ATP2C2: variants seen among roughly 807,000 people sequenced by gnomAD.
ATP2C2 encodes calcium-transporting ATPase type 2C member 2.
In ATP2C2, 171 loss-of-function variants were observed where a neutral mutation model predicts 110.8. The observed-to-expected ratio is 1.54, with a 90% confidence interval of 1.36 to 1.75. The LOEUF (loss-of-function observed/expected upper bound fraction) is 1.75. Among genes scored for constraint, ATP2C2 ranks in the 40% most tolerant of loss-of-function variants. The probability of loss-of-function intolerance (pLI) is 0.00; values close to 1 mark genes in which losing one functional copy is unlikely to be tolerated. For synonymous variants in ATP2C2, 804 were observed against 508.4 expected (o/e 1.58, Z -7.82); for missense variants, 1,963 against 1,235.0 (o/e 1.59, Z -8.84).
Position 84,453,129 on chromosome 16 carries a change from C to T in ATP2C2, c.1832-9C>T, listed in dbSNP as rs1237048223. 11 of 1,602,554 alleles carry T rather than the reference C, an allele frequency of 6.9e-6. No individual in the cohort carries two copies. The highest frequency in any genetic ancestry group is 5.2e-5 in the Admixed American group (3 of 57,384). Reference sequence around the variant, plus strand: ...TCAGAGCAGGCCCTCAGAACAGGTTCTTCTGAAGGAAGAAACATCGGCCTG... The same window carrying T: ...TCAGAGCAGGCCCTCAGAACAGGTTTTTCTGAAGGAAGAAACATCGGCCTG... On this transcript the variant is annotated splice_polypyrimidine_tract_variant and intron_variant, in intron 18 of 26. Transcript: ENST00000262429.
intron 11 of ATP2C2, chr16:84,438,921 C>T (rs1002162819): frequency 3.1e-5 from 14 of 445,610 alleles, no homozygotes; most frequent in African/African-American, 2.2e-4. Flanking sequence ...GACTAATTCA[C>T]ATTAAGGTGT....
chr16:84,384,385 G>A (rs1904294561), intron 1 of ATP2C2, among the ~76,000 whole-genome samples: 1 of 152,128 alleles, frequency 6.6e-6, no homozygotes, highest in Admixed American at 6.5e-5. Context: ...TGTTTCCTCG[G>A]GATTTGGCTC....
intron 1 of ATP2C2, among the ~76,000 whole-genome samples, chr16:84,397,662 A>AAAAAAAAAAAAACAAAAAC (rs1567694759): frequency 6.8e-6 from 1 of 146,616 alleles, no homozygotes; most frequent in African/African-American, 2.5e-5. Context: ...TGACAAAAAA[A>AAAAAAAAAAAAACAAAAAC]AAAAAAAAAA....
rs536946602 is a variant in ATP2C2, at chr16:84,403,794, G to T, written c.211-1334G>T. ...CAACCTCCGCCTCCCAGCTTCAAGC[G>T]ATTCTCCTGCCTCAGCCTCCTGAGT... On this transcript the variant is annotated intron_variant, in intron 2 of 26. Transcript: ENST00000262429. Among the ~76,000 whole-genome samples, 4 of 151,220 alleles carry T rather than the reference G, an allele frequency of 2.6e-5. No homozygotes were observed. The East Asian group carries it at 7.9e-4, about 30-fold the overall frequency.
intron 6 of ATP2C2, among the ~76,000 whole-genome samples, chr16:84,414,539 T>C (rs150419678): frequency 6.6e-6 from 1 of 152,268 alleles, no homozygotes; most frequent in African/African-American, 2.4e-5. Context: ...CATCCACTCA[T>C]GTCTCTCGGG....
intron 24 of ATP2C2, 134 bp from the exon 25 acceptor site, chr16:84,461,580 G>T (rs984052482): frequency 2.0e-5 from 16 of 789,284 alleles, no homozygotes; most frequent in Non-Finnish European, 3.3e-5. Flanking sequence ...GGAGGAAGCT[G>T]TGTGACCGAT....
chr16:84,383,770 G>A (rs1356549409), intron 1 of ATP2C2, among the ~76,000 whole-genome samples: 1 of 98,716 alleles, frequency 1.0e-5, no homozygotes, highest in East Asian at 2.1e-4. Flanking sequence ...TTGGGGGTGG[G>A]GGTGTTGGTT....
In ATP2C2 at chr16:84,460,779, C is replaced by A; in HGVS notation, c.2459C>A (p.Thr820Asn). 1 of 1,613,564 alleles carries A rather than the reference C, an allele frequency of 6.2e-7. No individual in the cohort carries two copies. Among genetic ancestry groups the A allele is most frequent in the Admixed American group, 1.7e-5 (1 of 60,010 alleles). ...TCCGCGGCCATCATCATCAGCGGGA[C>A]CCTCTTTATCTTCTGGAAGGAGGTG... The part of the protein sequence containing the change: ...LMSAAIIISG[T>N]LFIFWKEMPE... Residue 820 changes from threonine to asparagine, a missense_variant, in exon 24 of 27, where the codon ACC (threonine) becomes AAC (asparagine). Thr to Asn is a moderately conservative substitution (Grantham distance 65, BLOSUM62 0). Transcript: ENST00000262429.
rs764450969 is a variant in ATP2C2, at chr16:84,460,755, C to T, written c.2435C>T (p.Ser812Phe). Reference protein sequence around the residue: ...SRALILKILMSAAIIISGTLF... With the variant: ...SRALILKILMFAAIIISGTLF... ...GCCCTCATCCTGAAGATCCTCATGT[C>T]CGCGGCCATCATCATCAGCGGGACC... Residue 812 changes from serine (S) to phenylalanine (F), a missense_variant, in exon 24 of 27, where the codon TCC becomes TTC. Physicochemically the swap from Ser to Phe is radical, Grantham distance 155. Coordinates refer to ENST00000262429, the MANE Select transcript of ATP2C2 (RefSeq NM_014861.4). 1 of 1,614,062 alleles carries T rather than the reference C, an allele frequency of 6.2e-7. No homozygotes were observed.
chr16:84,412,821 C>T (rs900014454), intron 6 of ATP2C2, among the ~76,000 whole-genome samples: 11 of 152,032 alleles, frequency 7.2e-5, no homozygotes, highest in African/African-American at 2.4e-4. Context: ...ATCAGCCGGG[C>T]GCGGTGGCTC....
At chr16:84,419,447 C>T (rs1028560643) in intron 7 of ATP2C2, among the ~76,000 whole-genome samples, 14 of 152,156 alleles carry the variant, frequency 9.2e-5, no homozygotes, top group African/African-American at 3.1e-4. Context: ...ACGGGGCCCA[C>T]CCCGGTCACG....
rs372077468 is a variant in ATP2C2, at chr16:84,403,753, C to T, written c.211-1375C>T. 2.4e-4 allele frequency among the ~76,000 whole-genome samples: 36 copies of T among 152,022 alleles called. No individual in the cohort carries two copies. The South Asian group carries it at 6.7e-3, about 28-fold the overall frequency. On this transcript the variant is annotated intron_variant, in intron 2 of 26. Transcript: ENST00000262429. Reference sequence around the variant, plus strand: ...TTGCCCAGGCTGGAGTGCAATGGCGCGATCTCAGCTCACTGCAACCTCCGC... The same window carrying T: ...TTGCCCAGGCTGGAGTGCAATGGCGTGATCTCAGCTCACTGCAACCTCCGC...
chr16:84,376,906 C>T (rs960008553), intron 1 of ATP2C2, among the ~76,000 whole-genome samples: 3 of 152,194 alleles, frequency 2.0e-5, no homozygotes, highest in Non-Finnish European at 2.9e-5. Flanking sequence ...CTGAAGGGTT[C>T]TTGTCGGAGA....
intron 1 of ATP2C2, among the ~76,000 whole-genome samples, chr16:84,380,054 C>A (rs1037455829): frequency 6.6e-6 from 1 of 152,126 alleles, no homozygotes; most frequent in South Asian, 2.1e-4. Flanking sequence ...TTTTTTATAT[C>A]AGCCACATTT....
chr16:84,422,779 C>G (rs990000262), intron 9 of ATP2C2, 82 bp downstream of exon 9: 1 of 1,394,942 alleles, frequency 7.2e-7, no homozygotes, highest in Non-Finnish European at 9.8e-7. Flanking sequence ...GCCTTGCCTA[C>G]TCCTTAGGAA....
rs536721461 is a variant in ATP2C2, at chr16:84,431,016, T to C, written c.986+5215T>C. ...AGTTTGTTTGCCCCATGAATATGTA[T>C]TGGGCATCTGTTGACTCTCTGTTTA... On this transcript the variant is annotated intron_variant, in intron 11 of 26. Transcript: ENST00000262429. Among the ~76,000 whole-genome samples the C allele has an allele frequency of 2.0e-5, 3 of 152,248 alleles. No homozygotes were observed. The East Asian group carries it at 5.8e-4, about 29-fold the overall frequency.
intron 7 of ATP2C2, among the ~76,000 whole-genome samples, chr16:84,418,789 A>G (rs547285441): frequency 2.0e-5 from 3 of 152,334 alleles, no homozygotes; most frequent in East Asian, 3.9e-4. Flanking sequence ...AGTTTCCTCC[A>G]TGTATCCGTT....
chr16:84,439,616 A>T, intron 13 of ATP2C2, 92 bp downstream of exon 13: 1 of 1,209,144 alleles, frequency 8.3e-7, no homozygotes, highest in South Asian at 1.2e-5. Flanking sequence ...CTAGAACACA[A>T]TAAGGAAGAA....
Position 84,431,660 on chromosome 16 carries a change from G to T in ATP2C2, c.986+5859G>T, listed in dbSNP as rs547364812. On this transcript the variant is annotated intron_variant, in intron 11 of 26. Coordinates refer to ENST00000262429, the MANE Select transcript of ATP2C2 (RefSeq NM_014861.4). ...TGGGAACATATCCGAGGGTCACTTG[G>T]GGGGGACCACAGCTGAGCTCTGTGA... is the stretch of plus-strand genomic sequence containing the variant. Among the ~76,000 whole-genome samples the T allele has an allele frequency of 1.6e-4, 25 of 152,030 alleles. No individual in the cohort carries two copies. In the South Asian group the frequency reaches 4.2e-3, roughly 25 times the overall value.
Sources: gnomAD v4.1 joint callset for allele counts (sites outside exome capture counted in the v4.1 genomes callset) on GRCh38, gnomAD v4.1.1 for gene constraint, MANE v1.5 for transcripts, NCBI Gene and HGNC (gene_info 2026-07-23, HGNC 2026-07-21) for gene names.